The following LURAP1L variants were observed in gnomAD, a reference collection of about 807,000 sequenced individuals.
LURAP1L encodes leucine rich adaptor protein 1 like, also known as leucine rich adaptor protein 1-like.
A neutral mutation model predicts 13.8 loss-of-function variants in LURAP1L; 12 were observed. That is an observed-to-expected ratio of 0.87 (90% CI 0.56 to 1.41). The LOEUF (loss-of-function observed/expected upper bound fraction) is 1.41. Among genes scored for constraint, LURAP1L ranks in the 40% most tolerant of loss-of-function variants. The probability of loss-of-function intolerance (pLI) is 0.00; values close to 1 mark genes in which losing one functional copy is unlikely to be tolerated. For missense variants in LURAP1L, 375 were observed against 292.9 expected (o/e 1.28, Z -2.04); for synonymous variants, 139 against 119.2 (o/e 1.17, Z -1.08).
intron 1 of LURAP1L, among the ~76,000 whole-genome samples, chr9:12,804,586 G>T (rs749769380): frequency 6.6e-6 from 1 of 152,004 alleles, no homozygotes; most frequent in African/African-American, 2.4e-5. Flanking sequence ...GAGGTGATCC[G>T]CTTGCCTCGG....
intron 1 of LURAP1L, among the ~76,000 whole-genome samples, chr9:12,787,721 C>T (rs1819376902): frequency 6.6e-6 from 1 of 152,110 alleles, no homozygotes; most frequent in Non-Finnish European, 1.5e-5. Flanking sequence ...AAAGACAATT[C>T]CATAATCATT....
At chr9:12,805,370 CTTA>C (rs1285459461) in intron 1 of LURAP1L, among the ~76,000 whole-genome samples, 1 of 152,016 alleles carries the variant, frequency 6.6e-6, no homozygotes, top group Non-Finnish European at 1.5e-5. Context: ...ACTTCATATT[CTTA>C]TTATGATAAA....
Position 12,821,125 on chromosome 9 carries a change from G to A in LURAP1L, c.313-261G>A, listed in dbSNP as rs1014471111. 5.3e-5 allele frequency among the ~76,000 whole-genome samples: 8 copies of A among 152,128 alleles called. No homozygotes were observed. In the East Asian group the frequency reaches 1.5e-3, roughly 29 times the overall value. Reference sequence around the variant, plus strand: ...CTGCCATTCAGTATGATATGTTCAGGCCACTTGGTTAGGGTCAGGGATGCA... The same window carrying A: ...CTGCCATTCAGTATGATATGTTCAGACCACTTGGTTAGGGTCAGGGATGCA... On this transcript the variant is annotated intron_variant, in intron 1 of 1. Coordinates refer to ENST00000319264, the MANE Select transcript of LURAP1L (RefSeq NM_203403.2).
Position 12,822,261 on chromosome 9 carries a change from A to T in LURAP1L, c.*501A>T, listed in dbSNP as rs1226363209. 2 of 155,876 alleles carry T rather than the reference A, an allele frequency of 1.3e-5. No homozygotes were observed. The highest frequency in any genetic ancestry group is 4.8e-5 in the African/African-American group (2 of 41,456). 9.7% of individuals were successfully genotyped at this position (155,876 alleles called of 1,614,324 possible). ...TTAAGCATTATTTCTAGACCACAAC[A>T]TTCTAGTGTATAATCAACCATACTG... On this transcript the variant is annotated 3_prime_UTR_variant, in exon 2 of 2. Transcript: ENST00000319264.
chr9:12,784,599 C>A (rs368348762), intron 1 of LURAP1L, among the ~76,000 whole-genome samples: 10 of 152,160 alleles, frequency 6.6e-5, no homozygotes, highest in African/African-American at 1.4e-4. Context: ...GACACGAGCA[C>A]CTCTGTGGCC....
intron 1 of LURAP1L, among the ~76,000 whole-genome samples, chr9:12,777,805 G>A (rs1297356026): frequency 6.6e-6 from 1 of 152,200 alleles, no homozygotes; most frequent in Non-Finnish European, 1.5e-5. Flanking sequence ...TTGTCCTGTA[G>A]AGAAGTCACA....
At chr9:12,806,383 T>C (rs79132193) in intron 1 of LURAP1L, among the ~76,000 whole-genome samples, 1 of 139,386 alleles carries the variant, frequency 7.2e-6, no homozygotes, top group Non-Finnish European at 1.5e-5. Flanking sequence ...TGAGATTATC[T>C]TTTTTTTTTT....
chr9:12,792,250 G>A (rs1166634104), intron 1 of LURAP1L, among the ~76,000 whole-genome samples: 1 of 152,090 alleles, frequency 6.6e-6, no homozygotes, highest in Non-Finnish European at 1.5e-5. Context: ...TGCAATAGCT[G>A]TATGGAAGCA....
At chr9:12,797,919 G>A (rs1030051889) in intron 1 of LURAP1L, among the ~76,000 whole-genome samples, 11 of 151,982 alleles carry the variant, frequency 7.2e-5, no homozygotes, top group African/African-American at 2.7e-4. Flanking sequence ...TATCTTCTGA[G>A]TTTATGAATT....
intron 1 of LURAP1L, among the ~76,000 whole-genome samples, chr9:12,819,222 G>A (rs1324124644): frequency 6.6e-6 from 1 of 152,116 alleles, no homozygotes; most frequent in Non-Finnish European, 1.5e-5. Flanking sequence ...TATTTTTAGT[G>A]CTTTGTTCAG....
At chr9:12,778,039 G>A (rs2118452498) in intron 1 of LURAP1L, among the ~76,000 whole-genome samples, 1 of 152,164 alleles carries the variant, frequency 6.6e-6, no homozygotes, top group South Asian at 2.1e-4. Flanking sequence ...TCTGAAACTG[G>A]GATTTATGTT....
At chr9:12,792,656 AG>A (rs1819457932) in intron 1 of LURAP1L, among the ~76,000 whole-genome samples, 1 of 152,102 alleles carries the variant, frequency 6.6e-6, no homozygotes, top group African/African-American at 2.4e-5. Flanking sequence ...AAACGACATT[AG>A]ATTTACTTTT....
chr9:12,777,591 G>C (rs1421116171), intron 1 of LURAP1L: 3 of 969,324 alleles, frequency 3.1e-6, no homozygotes, highest in Non-Finnish European at 3.7e-6. Context: ...TTCTTTCTCA[G>C]TAGCTCACTG....
In LURAP1L at chr9:12,775,642, G is replaced by C; in HGVS notation, c.-74G>C. On this transcript the variant is annotated 5_prime_UTR_variant, in exon 1 of 2. Coordinates refer to ENST00000319264, the MANE Select transcript of LURAP1L (RefSeq NM_203403.2). ...GCCCCCGGAGAGGTCTGCTGATTTC[G>C]CAGCAGCCTTCGAAGCCGTGGCTGC... 2 of 1,507,960 alleles carry C rather than the reference G, an allele frequency of 1.3e-6. No individual in the cohort carries two copies. The highest frequency in any genetic ancestry group is 1.8e-6 in the Non-Finnish European group (2 of 1,131,992). The allele number at this position is 1,507,960 out of a possible 1,614,324, so 93.4% of individuals were successfully genotyped here.
chr9:12,812,773 C>T (rs1415274389), intron 1 of LURAP1L, among the ~76,000 whole-genome samples: 13 of 152,144 alleles, frequency 8.5e-5, no homozygotes, highest in Admixed American at 7.9e-4. Context: ...ATTATAAAGC[C>T]TACTGTTTAT....
In LURAP1L at chr9:12,775,835, G is replaced by A. The variant is rs752525770; in HGVS notation, c.120G>A (p.Arg40=). The change falls in exon 1 of 2, where the codon AGG becomes AGA. Residue 40 remains arginine, a synonymous_variant. Coordinates refer to ENST00000319264, the MANE Select transcript of LURAP1L (RefSeq NM_203403.2). The stretch of plus-strand genomic sequence containing the variant: ...AGCCGGTTCCCAGGGAAAGGGACAG[G>A]GACCCCTGCGGGGGGAGCGGTGGTG... ...GEEPVPRERD[R]DPCGGSGGGG... is the part of the protein sequence containing the mutation. The A allele has an allele frequency of 8.1e-6, 13 of 1,601,786 alleles. No individual in the cohort carries two copies. The South Asian group carries it at 1.3e-4, about 16-fold the overall frequency.
At chr9:12,810,563 T>G (rs1034378956) in intron 1 of LURAP1L, among the ~76,000 whole-genome samples, 1 of 152,152 alleles carries the variant, frequency 6.6e-6, no homozygotes, top group Non-Finnish European at 1.5e-5. Flanking sequence ...TATTCACCGA[T>G]TTGTTTTAAG....
intron 1 of LURAP1L, among the ~76,000 whole-genome samples, chr9:12,786,098 C>A (rs1430433759): frequency 1.3e-5 from 2 of 152,012 alleles, no homozygotes; most frequent in African/African-American, 4.8e-5. Flanking sequence ...CAATATGACA[C>A]ACAGTATTTC....
At position 12,810,061 on chromosome 9, in the gene LURAP1L, T is replaced by C. The variant is rs1295679124; in HGVS notation, c.313-11325T>C. 1.3e-5 allele frequency among the ~76,000 whole-genome samples: 2 copies of C among 152,184 alleles called. 1 individual carries two copies. Among genetic ancestry groups the C allele is most frequent in the African/African-American group, 4.8e-5 (2 of 41,444 alleles). On this transcript the variant is annotated intron_variant, in intron 1 of 1. Coordinates refer to ENST00000319264, the MANE Select transcript of LURAP1L (RefSeq NM_203403.2). ...ATCAGGCTTTGGTAAAACTCCAGCC[T>C]GTTAGGTTCTGGTAAAATAGATTCC... is the stretch of plus-strand genomic sequence containing the variant.
Sources: gnomAD v4.1 joint callset for allele counts (sites outside exome capture counted in the v4.1 genomes callset) on GRCh38, gnomAD v4.1.1 for gene constraint, MANE v1.5 for transcripts, NCBI Gene and HGNC (gene_info 2026-07-23, HGNC 2026-07-21) for gene names.